The following ANGPT1 variants were observed in gnomAD, a reference collection of about 807,000 sequenced individuals.
ANGPT1 encodes the protein angiopoietin 1, also known as angiopoietin-1.
In ANGPT1, 17 loss-of-function variants were observed where a neutral mutation model predicts 62.2. The ratio of observed to expected loss-of-function variants is 0.27; its 90% CI spans 0.19 to 0.41. The LOEUF (loss-of-function observed/expected upper bound fraction) is 0.41. Among genes scored for constraint, ANGPT1 ranks in the 10% least tolerant of loss-of-function variants. The pLI is 1.00. For synonymous variants in ANGPT1, 199 were observed against 198.9 expected (o/e 1.00, Z 0.00); for missense variants, 478 against 594.9 (o/e 0.80, Z 2.04).
At position 107,493,841 on chromosome 8, in the gene ANGPT1, G is replaced by A. The variant is rs189525781; in HGVS notation, c.297+3421C>T. On this transcript the variant is annotated intron_variant, in intron 1 of 8. Coordinates refer to ENST00000517746, the MANE Select transcript of ANGPT1 (RefSeq NM_001146.5). Reference sequence around the variant, plus strand: ...TGTAATATATGGGTTTAAAAAAATCGTCATCATCAATGTGTTTTGGGTAAT... The same window carrying A: ...TGTAATATATGGGTTTAAAAAAATCATCATCATCAATGTGTTTTGGGTAAT... Among the ~76,000 whole-genome samples the A allele has an allele frequency of 3.5e-4, 52 of 150,256 alleles. 2 individuals are homozygous for A. The highest frequency in any genetic ancestry group is 8.8e-4 in the African/African-American group (36 of 40,820).
At position 107,250,734 on chromosome 8, in the gene ANGPT1, C is replaced by G. The variant is rs1376951423; in HGVS notation, c.*1121G>C. On this transcript the variant is annotated 3_prime_UTR_variant, in exon 9 of 9. Coordinates refer to ENST00000517746, the MANE Select transcript of ANGPT1 (RefSeq NM_001146.5). Reference sequence around the variant, plus strand: ...CTTCAAAGTGTTTCTTTTATAGACACTGGAACAGTGTGAATCTGGTAAGCA... The same window carrying G: ...CTTCAAAGTGTTTCTTTTATAGACAGTGGAACAGTGTGAATCTGGTAAGCA... The G allele has an allele frequency of 6.6e-6, 1 of 151,952 alleles. No individual in the cohort carries two copies. The highest frequency in any genetic ancestry group is 2.4e-5 in the African/African-American group (1 of 41,398). The allele number at this position is 151,952 out of a possible 1,614,324, so 9.4% of individuals were successfully genotyped here.
chr8:107,255,585 A>T (rs76888984), intron 8 of ANGPT1, among the ~76,000 whole-genome samples: 2,586 of 152,256 alleles, frequency 0.017, 34 homozygotes, highest in African/African-American at 0.024. Flanking sequence ...GTTCATATGA[A>T]GGTATTTATA....
intron 1 of ANGPT1, among the ~76,000 whole-genome samples, chr8:107,359,490 C>G (rs921072698): frequency 2.6e-5 from 4 of 152,148 alleles, no homozygotes; most frequent in African/African-American, 7.2e-5. Context: ...AAAATTGATT[C>G]TATAGTTATT....
chr8:107,405,101 AC>A (rs1817122281), intron 1 of ANGPT1, among the ~76,000 whole-genome samples: 1 of 151,980 alleles, frequency 6.6e-6, no homozygotes, highest in African/African-American at 2.4e-5. Context: ...AAATGCCAGT[AC>A]ATATCAAGAA....
chr8:107,458,730 A>G (rs915112793), intron 1 of ANGPT1, among the ~76,000 whole-genome samples: 2 of 152,194 alleles, frequency 1.3e-5, no homozygotes, highest in African/African-American at 2.4e-5. Flanking sequence ...AATAAATATT[A>G]AACACATTGA....
chr8:107,474,554 T>A (rs1250544595), intron 1 of ANGPT1, among the ~76,000 whole-genome samples: 1 of 152,172 alleles, frequency 6.6e-6, no homozygotes, highest in East Asian at 1.9e-4. Context: ...TCACCACTCC[T>A]ATCCAACATA....
chr8:107,391,495 C>G (rs997965485), intron 1 of ANGPT1, among the ~76,000 whole-genome samples: 2 of 152,044 alleles, frequency 1.3e-5, no homozygotes, highest in Non-Finnish European at 2.9e-5. Context: ...GGTGAAACCC[C>G]GTCTATACTG....
At chr8:107,415,536 T>C (rs1810717185) in intron 1 of ANGPT1, among the ~76,000 whole-genome samples, 1 of 152,180 alleles carries the variant, frequency 6.6e-6, no homozygotes, top group Non-Finnish European at 1.5e-5. Context: ...CATTAAAACC[T>C]CACTCAAATA....
At position 107,488,903 on chromosome 8, in the gene ANGPT1, G is replaced by T. The variant is rs74870236; in HGVS notation, c.297+8359C>A. ...TTAAAATGTTTTATGAAATCCTGGG[G>T]CTATCTTTCATCTTTAAGGGTTTAG... On this transcript the variant is annotated intron_variant, in intron 1 of 8. Coordinates refer to ENST00000517746, the MANE Select transcript of ANGPT1 (RefSeq NM_001146.5). Among the ~76,000 whole-genome samples the T allele has an allele frequency of 4.4e-3, 672 of 152,212 alleles. 10 individuals are homozygous for T. The highest frequency in any genetic ancestry group is 0.034 in the Admixed American group (515 of 15,268).
intron 1 of ANGPT1, among the ~76,000 whole-genome samples, chr8:107,423,270 AAAG>A (rs879763557): frequency 5.3e-5 from 8 of 152,248 alleles, no homozygotes; most frequent in Admixed American, 5.2e-4. Flanking sequence ...TAAATGAGAT[AAAG>A]CGTCAATAAT....
chr8:107,394,155 T>A (rs1009184896), intron 1 of ANGPT1, among the ~76,000 whole-genome samples: 1 of 152,146 alleles, frequency 6.6e-6, no homozygotes, highest in Non-Finnish European at 1.5e-5. Flanking sequence ...GGAGAGCTGA[T>A]CCTCAGGAGA....
chr8:107,383,226 T>C (rs1016566199), intron 1 of ANGPT1, among the ~76,000 whole-genome samples: 8 of 151,956 alleles, frequency 5.3e-5, no homozygotes, highest in African/African-American at 1.9e-4. Flanking sequence ...GAGAAATGGC[T>C]CCTTTGGACT....
chr8:107,262,083 T>A (rs1265272330), intron 8 of ANGPT1, among the ~76,000 whole-genome samples: 1 of 151,964 alleles, frequency 6.6e-6, no homozygotes, highest in African/African-American at 2.4e-5. Context: ...TAGTCCCAGC[T>A]ACTCAGGAGG....
chr8:107,358,817 GGATAATAGAGACCA>G (rs928528649), intron 1 of ANGPT1, among the ~76,000 whole-genome samples: 2 of 152,094 alleles, frequency 1.3e-5, no homozygotes, highest in African/African-American at 4.8e-5. Context: ...CATGAAATGT[GGATAATAGAGACCA>G]GAAAGCTGCC....
intron 1 of ANGPT1, among the ~76,000 whole-genome samples, chr8:107,401,077 A>G (rs1817038210): frequency 6.6e-6 from 1 of 152,128 alleles, no homozygotes; most frequent in African/African-American, 2.4e-5. Context: ...GTGCTCCTAC[A>G]ATCAGCTTTC....
At chr8:107,478,369 G>T (rs926190066) in intron 1 of ANGPT1, among the ~76,000 whole-genome samples, 1 of 151,738 alleles carries the variant, frequency 6.6e-6, no homozygotes, top group Non-Finnish European at 1.5e-5. Context: ...GCTAACATGG[G>T]AAAACCCCAC....
intron 1 of ANGPT1, among the ~76,000 whole-genome samples, chr8:107,490,774 G>C (rs1013521490): frequency 6.6e-6 from 1 of 152,184 alleles, no homozygotes; most frequent in African/African-American, 2.4e-5. Context: ...ACACATAAAT[G>C]AATTAGTGTG....
At chr8:107,405,988 T>G (rs1041460893) in intron 1 of ANGPT1, among the ~76,000 whole-genome samples, 6 of 151,986 alleles carry the variant, frequency 3.9e-5, no homozygotes, top group African/African-American at 1.2e-4. Flanking sequence ...TGTTTATGTT[T>G]AAATAATTTC....
At position 107,334,985 on chromosome 8, in the gene ANGPT1, T is replaced by C. The variant is rs76260463; in HGVS notation, c.575+1165A>G. 6.2e-3 allele frequency among the ~76,000 whole-genome samples: 941 copies of C among 152,354 alleles called. 15 individuals carry two copies. The highest frequency in any genetic ancestry group is 0.021 in the African/African-American group (888 of 41,590). Reference sequence around the variant, plus strand: ...AGCATGAGTGACCCCTTTCAGATTCTAAACCAACAGCCAGGTTTGTATTTT... The same window carrying C: ...AGCATGAGTGACCCCTTTCAGATTCCAAACCAACAGCCAGGTTTGTATTTT... On this transcript the variant is annotated intron_variant, in intron 3 of 8. Coordinates refer to ENST00000517746, the MANE Select transcript of ANGPT1 (RefSeq NM_001146.5).
Sources: allele counts gnomAD v4.1 joint callset (sites outside exome capture counted in the v4.1 genomes callset), GRCh38; gene constraint gnomAD v4.1.1; transcripts MANE v1.5; gene names NCBI Gene and HGNC (gene_info 2026-07-23, HGNC 2026-07-21).